The following RARB variants were observed in gnomAD, a reference collection of about 807,000 sequenced individuals.
RARB encodes the protein retinoic acid receptor beta, also known as HBV-activated protein.
In RARB, 17 loss-of-function variants were observed where a neutral mutation model predicts 51.9. The observed-to-expected ratio is 0.33, with a 90% CI of 0.22 to 0.49. The LOEUF (loss-of-function observed/expected upper bound fraction) is 0.49, where lower values mean the gene tolerates loss of function less well. Among genes scored for constraint, RARB ranks in the 20% least tolerant of loss-of-function variants. The probability of loss-of-function intolerance (pLI) is 0.99; values close to 1 mark genes in which losing one functional copy is unlikely to be tolerated. For missense variants in RARB, 369 were observed against 550.8 expected, an observed-to-expected ratio of 0.67 and a Z score of 3.30; for synonymous variants, 215 against 195.4, an observed-to-expected ratio of 1.10 and a Z score of -0.84.
intron 5 of RARB, among the ~76,000 whole-genome samples, chr3:25,281,688 G>A (rs755686948): frequency 1.3e-5 from 2 of 152,178 alleles, no homozygotes; most frequent in South Asian, 2.1e-4. Context: ...TAGCCTAAGC[G>A]TCATGCCAGC....
chr3:25,140,949 C>G (rs1021453053), intron 4 of RARB, among the ~76,000 whole-genome samples: 3 of 151,888 alleles, frequency 2.0e-5, no homozygotes, highest in African/African-American at 7.3e-5. Flanking sequence ...ATGTAGATGA[C>G]TTTTTTAGAC....
intron 5 of RARB, among the ~76,000 whole-genome samples, chr3:25,318,522 C>A: frequency 6.6e-6 from 1 of 152,124 alleles, no homozygotes; most frequent in South Asian, 2.1e-4. Flanking sequence ...ATGAATGGCT[C>A]GGCCAGTTCA....
chr3:25,377,746 C>T (rs552495050), intron 5 of RARB, among the ~76,000 whole-genome samples: 1 of 152,164 alleles, frequency 6.6e-6, no homozygotes, highest in African/African-American at 2.4e-5. Context: ...TTGAGTTACC[C>T]GTGAGAGAAT....
intron 5 of RARB, among the ~76,000 whole-genome samples, chr3:25,356,616 C>T (rs888084702): frequency 2.0e-5 from 3 of 151,958 alleles, no homozygotes; most frequent in Admixed American, 6.6e-5. Context: ...CTGCACCCAT[C>T]AACCCATCAT....
At position 25,258,292 on chromosome 3, in the gene RARB, A is replaced by T. The variant is rs140059468; in HGVS notation, c.178+83717A>T. Among the ~76,000 whole-genome samples, 6 of 152,274 alleles carry T rather than the reference A, an allele frequency of 3.9e-5. No homozygotes were observed. The East Asian group carries it at 1.2e-3, about 29-fold the overall frequency. ...AAAGGAATGGTAAACTTATTACACA[A>T]GTAGCTAATCACCCCAAAGTGATGA... is the stretch of plus-strand genomic sequence containing the variant. On this transcript the variant is annotated intron_variant, in intron 5 of 11. Coordinates refer to the RARB transcript ENST00000383772.
rs1702935909 is a variant in RARB, at chr3:25,259,065, C to T, written c.178+84490C>T. 5 of 985,094 alleles carry T rather than the reference C, an allele frequency of 5.1e-6. No homozygotes were observed. In the South Asian group the frequency reaches 1.9e-4, roughly 37 times the overall value. 61.0% of individuals were successfully genotyped at this position (985,094 alleles called of 1,614,324 possible). On this transcript the variant is annotated intron_variant, in intron 5 of 11. Coordinates refer to the RARB transcript ENST00000383772. ...AGGAACCAGGAATGTGAACATACTT[C>T]AGTATGAGAAACAGTACAGCAACCA...
At chr3:25,451,384 T>C (rs1709186974) in intron 1 of RARB, among the ~76,000 whole-genome samples, 1 of 152,174 alleles carries the variant, frequency 6.6e-6, no homozygotes, top group South Asian at 2.1e-4. Flanking sequence ...AGCTTACCAC[T>C]TTCCCGTCAC....
intron 5 of RARB, among the ~76,000 whole-genome samples, chr3:25,350,097 C>T (rs1705514916): frequency 6.6e-6 from 1 of 152,102 alleles, no homozygotes; most frequent in African/African-American, 2.4e-5. Flanking sequence ...GCAGAAACTA[C>T]CAGACTTTCT....
rs149187212 is a variant in RARB at position 25,253,535 on chromosome 3, T to C, written c.178+78960T>C. ...TATGCACTAGGAGGGTCCCCAGACA[T>C]AATTTATATATTGCCTGGGTATAGA... On this transcript the variant is annotated intron_variant, in intron 5 of 11. Transcript: ENST00000383772. Among the ~76,000 whole-genome samples, 10 of 152,270 alleles carry C rather than the reference T, an allele frequency of 6.6e-5. No individual in the cohort carries two copies. The East Asian group carries it at 1.9e-3, about 29-fold the overall frequency.
intron 3 of RARB, among the ~76,000 whole-genome samples, chr3:25,506,200 C>T (rs974043951): frequency 6.9e-6 from 1 of 145,946 alleles, no homozygotes; most frequent in African/African-American, 2.6e-5. Flanking sequence ...TTGCAATAAG[C>T]CGAGATCGCA....
At chr3:24,918,517 A>G (rs1412736387) in intron 2 of RARB, among the ~76,000 whole-genome samples, 1 of 152,246 alleles carries the variant, frequency 6.6e-6, no homozygotes, top group East Asian at 1.9e-4. Context: ...AAACCATTAA[A>G]TTATACACTT....
At chr3:25,192,942 G>A (rs1223671344) in intron 5 of RARB, among the ~76,000 whole-genome samples, 3 of 152,140 alleles carry the variant, frequency 2.0e-5, no homozygotes, top group Admixed American at 6.6e-5. Flanking sequence ...GGAACCAAGA[G>A]CCAGGCCCTC....
chr3:25,148,482 A>G (rs183675898), intron 4 of RARB, among the ~76,000 whole-genome samples: 5 of 152,342 alleles, frequency 3.3e-5, no homozygotes, highest in East Asian at 1.9e-4. Flanking sequence ...GGGTTTTTAT[A>G]GCTTTCTCTA....
At chr3:25,337,416 A>G (rs1222414510) in intron 5 of RARB, among the ~76,000 whole-genome samples, 6 of 152,210 alleles carry the variant, frequency 3.9e-5, no homozygotes, top group African/African-American at 1.2e-4. Flanking sequence ...AGTTCCCTCA[A>G]TGTGTCAGAA....
chr3:25,251,223 AATATT>A (rs769657634), intron 5 of RARB, among the ~76,000 whole-genome samples: 1 of 151,960 alleles, frequency 6.6e-6, no homozygotes, highest in African/African-American at 2.4e-5. Context: ...ATTTTATTAT[AATATT>A]ATATTTTATA....
chr3:25,382,872 A>C (rs1178316612), intron 5 of RARB, among the ~76,000 whole-genome samples: 1 of 152,126 alleles, frequency 6.6e-6, no homozygotes, highest in Non-Finnish European at 1.5e-5. Flanking sequence ...AAATAAACAA[A>C]AAAAAGTATC....
At chr3:25,450,240 C>T (rs139617344) in intron 1 of RARB, among the ~76,000 whole-genome samples, 67 of 152,204 alleles carry the variant, frequency 4.4e-4, no homozygotes, top group African/African-American at 1.5e-3. Flanking sequence ...CCATATTAGT[C>T]GCATTATTGA....
chr3:25,384,478 A>G (rs1312002942), intron 5 of RARB, among the ~76,000 whole-genome samples: 2 of 152,188 alleles, frequency 1.3e-5, no homozygotes, highest in African/African-American at 4.8e-5. Context: ...CTATCTTTAA[A>G]ATGAAAAGGT....
At chr3:24,905,919 G>C (rs886494357) in intron 2 of RARB, among the ~76,000 whole-genome samples, 1 of 152,174 alleles carries the variant, frequency 6.6e-6, no homozygotes, top group East Asian at 1.9e-4. Context: ...ATTAAGACTT[G>C]AGGTTTTGTT....
Sources: allele counts gnomAD v4.1 joint callset (sites outside exome capture counted in the v4.1 genomes callset), GRCh38; gene constraint gnomAD v4.1.1; transcripts MANE v1.5; gene names NCBI Gene and HGNC (gene_info 2026-07-23, HGNC 2026-07-21).